STS: variants seen among roughly 807,000 people sequenced by gnomAD.
STS encodes steryl-sulfatase.
A neutral mutation model predicts 26.8 loss-of-function variants in STS; 7 were observed. That is an observed-to-expected ratio of 0.26 (90% CI 0.15 to 0.49). The LOEUF is 0.49. Among genes scored for constraint, STS ranks in the 20% least tolerant of loss-of-function variants. STS has a pLI of 0.98. For missense variants in STS, 434 were observed against 465.6 expected, an observed-to-expected ratio of 0.93 and a Z score of 0.63; for synonymous variants, 199 against 189.4, an observed-to-expected ratio of 1.05 and a Z score of -0.42.
chrX:7,236,386 A>T (rs755707997), intron 2 of STS, among the ~76,000 whole-genome samples: 12 of 112,265 alleles, frequency 1.1e-4, no homozygotes, highest in Middle Eastern at 4.6e-3. Context: ...AAGCCACGAG[A>T]TTAGAAGTTA....
chrX:7,247,034 AAT>A (rs1469814585), intron 2 of STS, among the ~76,000 whole-genome samples: 3 of 112,069 alleles, frequency 2.7e-5, no homozygotes, highest in Non-Finnish European at 3.8e-5. Flanking sequence ...AAATATAGCA[AAT>A]ATGTGTGTGT....
chrX:7,340,056 C>CAA (rs202100721), intron 10 of STS, among the ~76,000 whole-genome samples: 1 of 55,794 alleles, frequency 1.8e-5, no homozygotes, highest in Non-Finnish European at 3.5e-5. Flanking sequence ...TTCTTGAATA[C>CAA]AAAAAAAAAA....
At chrX:7,169,439 C>T (rs182689882) in intron 1 of STS, among the ~76,000 whole-genome samples, 16 of 112,392 alleles carry the variant, frequency 1.4e-4, no homozygotes, top group Admixed American at 9.4e-4. Flanking sequence ...ATACCACATT[C>T]GGCTTATCCC....
chrX:7,204,272 G>T (rs1397781946), intron 2 of STS, among the ~76,000 whole-genome samples: 1 of 111,155 alleles, frequency 9.0e-6, no homozygotes, highest in Non-Finnish European at 1.9e-5. Flanking sequence ...CCAAGTGTTG[G>T]CATGCCATAA....
At chrX:7,319,553 A>G (rs1329414872) in intron 8 of STS, among the ~76,000 whole-genome samples, 3 of 110,219 alleles carry the variant, frequency 2.7e-5, no homozygotes, top group Admixed American at 9.8e-5. Context: ...GTGAGCCCCT[A>G]GTAAACCATC....
At chrX:7,343,295 A>G (rs1170426492) in intron 10 of STS, among the ~76,000 whole-genome samples, 1 of 112,137 alleles carries the variant, frequency 8.9e-6, no homozygotes, top group African/African-American at 3.2e-5. Context: ...ATTTATTAAT[A>G]GTTTTCCATA....
intron 8 of STS, among the ~76,000 whole-genome samples, chrX:7,324,908 T>C (rs1164974999): frequency 1.8e-5 from 2 of 111,793 alleles, no homozygotes; most frequent in Non-Finnish European, 3.8e-5. Context: ...CCTTTTGCCA[T>C]ATAAGGCAAA....
intron 1 of STS, among the ~76,000 whole-genome samples, chrX:7,152,994 T>C (rs1933050470): frequency 8.9e-6 from 1 of 111,980 alleles, no homozygotes; most frequent in South Asian, 3.7e-4. Context: ...AAATAGCACA[T>C]GTGAAGGGAG....
rs66982354 is a variant in STS, at chrX:7,265,022, GTT to G, written c.806+5265_806+5266del. Reference sequence around the variant, plus strand: ...AATATTTTCTACCCCATTTTATTCTGTTTTTTTTTTTTTTTTGGTAATAATCT... The same window carrying G: ...AATATTTTCTACCCCATTTTATTCTGTTTTTTTTTTTTTTGGTAATAATCT... On this transcript the variant is annotated intron_variant, in intron 6 of 10. Coordinates refer to ENST00000674429, the MANE Select transcript of STS (RefSeq NM_001320752.2). Among the ~76,000 whole-genome samples the G allele has an allele frequency of 9.0e-3, 742 of 82,034 alleles. 6 individuals carry two copies. The highest frequency in any genetic ancestry group is 0.053 in the East Asian group (141 of 2,674). 71.2% of individuals were successfully genotyped at this position (82,034 alleles called of 115,157 possible).
At chrX:7,263,788 AATATGTGTGTGTAT>A (rs1923866167) in intron 6 of STS, among the ~76,000 whole-genome samples, 1 of 105,826 alleles carries the variant, frequency 9.4e-6, no homozygotes, top group Non-Finnish European at 2.0e-5. Context: ...TGTATGTGTA[AATATGTGTGTGTAT>A]ATATGTGTGT....
chrX:7,233,097 T>A (rs778608597), intron 2 of STS, among the ~76,000 whole-genome samples: 1 of 95,609 alleles, frequency 1.0e-5, no homozygotes, highest in Non-Finnish European at 2.1e-5. Flanking sequence ...TTTTCTTTTT[T>A]TTTTTTTTTT....
intron 2 of STS, among the ~76,000 whole-genome samples, chrX:7,199,810 C>G (rs1258250573): frequency 9.0e-6 from 1 of 110,689 alleles, no homozygotes; most frequent in Non-Finnish European, 1.9e-5. Flanking sequence ...AAGGCCCAGA[C>G]CAGTTATTCT....
At chrX:7,222,310 G>T (rs1190757842) in intron 2 of STS, among the ~76,000 whole-genome samples, 30 of 111,636 alleles carry the variant, frequency 2.7e-4, no homozygotes, top group Non-Finnish European at 5.5e-4. Flanking sequence ...AAGTAGAATT[G>T]TGTAATCATG....
intron 8 of STS, among the ~76,000 whole-genome samples, chrX:7,310,153 T>C (rs1276504451): frequency 8.9e-6 from 1 of 112,269 alleles, no homozygotes; most frequent in Non-Finnish European, 1.9e-5. Context: ...TACCATGTGA[T>C]TATGATTTTC....
At chrX:7,215,564 C>G (rs1921275393) in intron 2 of STS, among the ~76,000 whole-genome samples, 1 of 111,232 alleles carries the variant, frequency 9.0e-6, no homozygotes, top group Non-Finnish European at 1.9e-5. Context: ...CCCTGGAACC[C>G]CTCTACCTAT....
At chrX:7,334,481 G>A (rs938109696) in intron 10 of STS, among the ~76,000 whole-genome samples, 1 of 111,866 alleles carries the variant, frequency 8.9e-6, no homozygotes, top group Non-Finnish European at 1.9e-5. Flanking sequence ...CAGCCCCTGT[G>A]CTCTGTGCAT....
intron 2 of STS, among the ~76,000 whole-genome samples, chrX:7,217,323 G>A (rs941260228): frequency 1.4e-4 from 16 of 111,565 alleles, no homozygotes; most frequent in Non-Finnish European, 2.1e-4. Flanking sequence ...GTGCACAGAT[G>A]GGCCTAGAAG....
intron 1 of STS, among the ~76,000 whole-genome samples, chrX:7,180,165 G>A (rs1933653412): frequency 9.0e-6 from 1 of 111,321 alleles, no homozygotes; most frequent in Non-Finnish European, 1.9e-5. Context: ...TACATTTATT[G>A]TGCACTTTAT....
intron 1 of STS, among the ~76,000 whole-genome samples, chrX:7,183,549 C>T (rs1933719706): frequency 8.9e-6 from 1 of 112,356 alleles, no homozygotes; most frequent in Admixed American, 9.4e-5. Context: ...TGTTTCCTAA[C>T]GCACACAGAG....
Sources: gnomAD v4.1 joint callset for allele counts (sites outside exome capture counted in the v4.1 genomes callset) on GRCh38, gnomAD v4.1.1 for gene constraint, MANE v1.5 for transcripts, NCBI Gene and HGNC (gene_info 2026-07-23, HGNC 2026-07-21) for gene names.